Variants in ZNF827 observed in about 807,000 individuals in gnomAD.
ZNF827 encodes zinc finger protein 827.
A neutral mutation model predicts 102.4 loss-of-function variants in ZNF827; 13 were observed. That is an observed-to-expected ratio of 0.13 (90% CI 0.08 to 0.20). The LOEUF is 0.20. Among genes scored for constraint, ZNF827 ranks in the 10% least tolerant of loss-of-function variants. The probability of loss-of-function intolerance (pLI) is 1.00; values close to 1 mark genes in which losing one functional copy is unlikely to be tolerated. For synonymous variants in ZNF827, 523 were observed against 536.2 expected, an observed-to-expected ratio of 0.98 and a Z score of 0.34; for missense variants, 1,103 against 1,344.4, an observed-to-expected ratio of 0.82 and a Z score of 2.81.
chr4:145,839,755 C>T (rs1340957302), intron 7 of ZNF827, among the ~76,000 whole-genome samples: 1 of 152,230 alleles, frequency 6.6e-6, no homozygotes. Context: ...TGGATGTCCA[C>T]TGACAGAGAC....
At chr4:145,916,723 T>C (rs1165176714) in intron 1 of ZNF827, among the ~76,000 whole-genome samples, 1 of 152,220 alleles carries the variant, frequency 6.6e-6, no homozygotes, top group Non-Finnish European at 1.5e-5. Context: ...CTTTTAATTA[T>C]AAATTCCATC....
At chr4:145,788,464 A>G (rs939137789) in intron 8 of ZNF827, among the ~76,000 whole-genome samples, 1 of 152,230 alleles carries the variant, frequency 6.6e-6, no homozygotes, top group Non-Finnish European at 1.5e-5. Flanking sequence ...TCATTTTAAG[A>G]AAACTATATA....
At position 145,870,298 on chromosome 4, in the gene ZNF827, A is replaced by G; in HGVS notation, c.1928T>C (p.Leu643Pro). The G allele has an allele frequency of 1.2e-6, 2 of 1,614,146 alleles. No individual in the cohort carries two copies. The highest frequency in any genetic ancestry group is 1.7e-6 in the Non-Finnish European group (2 of 1,179,992). The change falls in exon 5 of 15, where the codon CTA becomes CCA. Residue 643 changes from leucine (L) to proline (P), a missense_variant. Transcript: ENST00000508784. ...TGCTTTGACTGACACATCCCGCCTT[A>G]GCACACTTCCCTTCCCTTCCTGGGG... ...LKPQEGKGSV[L>P]RRDVSVKAAS...
rs1358569117 is a variant in ZNF827 at position 145,762,219 on chromosome 4, G to A, written c.*18-621C>T. On this transcript the variant is annotated intron_variant, in intron 14 of 14. Transcript: ENST00000508784. The surrounding 1 kb of genome is among the most constrained non-coding windows in gnomAD (Gnocchi z 4.9). ...TGCATGTGTACATATCTATGTACTC[G>A]TAAAACATATCTCCCTACAGGACTA... is the stretch of plus-strand genomic sequence containing the variant. Among the ~76,000 whole-genome samples, 3 of 152,088 alleles carry A rather than the reference G, an allele frequency of 2.0e-5. No individual in the cohort carries two copies. Among genetic ancestry groups the A allele is most frequent in the African/African-American group, 2.4e-5 (1 of 41,396 alleles).
At chr4:145,799,037 G>GT (rs1282651381) in intron 8 of ZNF827, among the ~76,000 whole-genome samples, 3 of 152,320 alleles carry the variant, frequency 2.0e-5, no homozygotes, top group African/African-American at 7.2e-5. Context: ...ATGTTCTGAT[G>GT]TAAGAAGCTG....
intron 6 of ZNF827, 43 bp from the exon 7 acceptor site, chr4:145,846,056 T>C: frequency 6.3e-7 from 1 of 1,595,104 alleles, no homozygotes; most frequent in Non-Finnish European, 8.6e-7. Flanking sequence ...TAGGTTGTTC[T>C]CACTCAACTT....
At chr4:145,782,695 C>G (rs1738271269) in intron 8 of ZNF827, among the ~76,000 whole-genome samples, 1 of 152,204 alleles carries the variant, frequency 6.6e-6, no homozygotes, top group Non-Finnish European at 1.5e-5. Flanking sequence ...ATGTCTTGTT[C>G]TGTATGGCAA....
rs182265259 is a variant in ZNF827 at position 145,782,511 on chromosome 4, G to T, written c.2384-3000C>A. Among the ~76,000 whole-genome samples, 8 of 152,272 alleles carry T rather than the reference G, an allele frequency of 5.3e-5. No individual in the cohort carries two copies. The East Asian group carries it at 1.5e-3, about 29-fold the overall frequency. On this transcript the variant is annotated intron_variant, in intron 8 of 14. Coordinates refer to ENST00000508784, the MANE Select transcript of ZNF827 (RefSeq NM_001306215.2). ...CAACACATCCAATCAGTCACCAGAAGCTGGTGATCTTATGCAGGTCTTTCT... is the reference window on the plus strand; with the variant it reads ...CAACACATCCAATCAGTCACCAGAATCTGGTGATCTTATGCAGGTCTTTCT...
At position 145,759,972 on chromosome 4, in the gene ZNF827, C is replaced by CACACACAGTAG. The variant is rs201201932; in HGVS notation, c.*1643_*1644insCTACTGTGTGT. The CACACACAGTAG allele has an allele frequency of 5.0e-3, 754 of 152,312 alleles. 4 individuals carry two copies. Among genetic ancestry groups the CACACACAGTAG allele is most frequent in the African/African-American group, 0.017 (713 of 41,556 alleles). 9.4% of individuals were successfully genotyped at this position (152,312 alleles called of 1,614,324 possible). ...CCGTACACATTTGTCTACGTGTGGGCACACACACAAAACACACTTAAGTTC... is the reference window on the plus strand; with the variant it reads ...CCGTACACATTTGTCTACGTGTGGGCACACACAGTAGACACACACAAAACACACTTAAGTTC... On this transcript the variant is annotated 3_prime_UTR_variant, in exon 15 of 15. Coordinates refer to ENST00000508784, the MANE Select transcript of ZNF827 (RefSeq NM_001306215.2).
intron 1 of ZNF827, among the ~76,000 whole-genome samples, chr4:145,922,774 A>AAGTATCG (rs1753164761): frequency 1.3e-5 from 2 of 152,224 alleles, no homozygotes; most frequent in South Asian, 4.1e-4. Flanking sequence ...ATGGTCATTC[A>AAGTATCG]AGTATCGGTA....
chr4:145,768,537 G>A (rs1317955602), intron 11 of ZNF827, among the ~76,000 whole-genome samples: 1 of 152,010 alleles, frequency 6.6e-6, no homozygotes, highest in Non-Finnish European at 1.5e-5. Context: ...ACTTAAGAAT[G>A]TTAAGATGTC....
intron 5 of ZNF827, among the ~76,000 whole-genome samples, chr4:145,860,587 A>AT (rs1747611679): frequency 6.6e-6 from 1 of 152,170 alleles, no homozygotes; most frequent in African/African-American, 2.4e-5. Context: ...AGCTGTGGAG[A>AT]TAAGTGATAC....
intron 1 of ZNF827, chr4:145,906,974 G>A (rs891611851): frequency 1.0e-4 from 44 of 434,280 alleles, no homozygotes; most frequent in African/African-American, 8.7e-4. Context: ...CAAGAAATAA[G>A]TTACCATATA....
intron 10 of ZNF827, 147 bp from the exon 11 acceptor site, chr4:145,774,819 A>G (rs1437679351): frequency 8.5e-6 from 8 of 939,258 alleles, no homozygotes; most frequent in Non-Finnish European, 1.3e-5. Flanking sequence ...TGCATTAGAA[A>G]ATTCTTCTGC....
Position 145,802,773 on chromosome 4 carries a change from C to T in ZNF827, c.2383+20649G>A, listed in dbSNP as rs116579876. Among the ~76,000 whole-genome samples the T allele has an allele frequency of 4.2e-3, 646 of 152,232 alleles. 4 individuals carry two copies. Among genetic ancestry groups the T allele is most frequent in the African/African-American group, 0.014 (598 of 41,552 alleles). On this transcript the variant is annotated intron_variant, in intron 8 of 14. Transcript: ENST00000508784. The stretch of plus-strand genomic sequence containing the variant: ...AGGAGTTCATGGAGAAACTGCATCT[C>T]TACCAAAAAAAATTAAAAAGTTAGC...
chr4:145,831,160 T>C (rs1255230804), intron 7 of ZNF827: 1 of 152,134 alleles, frequency 6.6e-6, no homozygotes, highest in Non-Finnish European at 1.5e-5. Context: ...GGTTAGGGAA[T>C]GTGGGGGTGG....
intron 8 of ZNF827, among the ~76,000 whole-genome samples, chr4:145,794,515 T>G (rs1330633189): frequency 6.6e-6 from 1 of 151,958 alleles, no homozygotes; most frequent in African/African-American, 2.4e-5. Context: ...GGCAAAACCC[T>G]GTCTCTACAA....
chr4:145,879,602 C>T lies in ZNF827; in HGVS notation c.1747+6076G>A, dbSNP rs570678742. Among the ~76,000 whole-genome samples the T allele has an allele frequency of 1.4e-3, 210 of 152,234 alleles. 1 individual carries two copies. The Middle Eastern group carries it at 0.02, about 15-fold the overall frequency. On this transcript the variant is annotated intron_variant, in intron 4 of 14. Coordinates refer to ENST00000508784, the MANE Select transcript of ZNF827 (RefSeq NM_001306215.2). ...GTCATGACTCTTTTATAGTTATTTA[C>T]CCCAAGTCTTGGTTTTCTCATCTAC...
chr4:145,790,347 TGAAAA>T (rs140510155), intron 8 of ZNF827, among the ~76,000 whole-genome samples: 27 of 152,248 alleles, frequency 1.8e-4, no homozygotes, highest in African/African-American at 6.5e-4. Context: ...ATAAACTAAA[TGAAAA>T]GAACAGATCA....
Sources: gnomAD v4.1 joint callset for allele counts (sites outside exome capture counted in the v4.1 genomes callset) on GRCh38, gnomAD v4.1.1 for gene constraint, Gnocchi (gnomAD v3.1) non-coding constraint, MANE v1.5 for transcripts, NCBI Gene and HGNC (gene_info 2026-07-23, HGNC 2026-07-21) for gene names.